Variants in BMS1 observed in about 807,000 individuals in gnomAD.
BMS1 encodes BMS1 ribosome biogenesis factor, also known as ribosome biogenesis protein BMS1 homolog.
Under a neutral mutation model 138.7 loss-of-function variants are expected in BMS1, and 53 were observed. That is an observed-to-expected ratio of 0.38 (90% CI 0.31 to 0.48). BMS1 has a LOEUF of 0.48. Among genes scored for constraint, BMS1 ranks in the 20% least tolerant of loss-of-function variants. BMS1 has a pLI of 0.97. For missense variants in BMS1, 1,360 were observed against 1,565.5 expected, an observed-to-expected ratio of 0.87 and a Z score of 2.22; for synonymous variants, 504 against 539.9, an observed-to-expected ratio of 0.93 and a Z score of 0.92.
In BMS1 at chr10:42,797,030, G is replaced by A. The variant is rs1257741376; in HGVS notation, c.1786G>A (p.Glu596Lys). The change falls in exon 10 of 23, where the codon GAA becomes AAA. Residue 596 changes from glutamate (E) to lysine (K), a missense_variant. Glu to Lys is a moderately conservative substitution (Grantham distance 56). Coordinates refer to ENST00000374518, the MANE Select transcript of BMS1 (RefSeq NM_014753.4). ...GTTTGCATCTGAAGATGAATCTGAA[G>A]AAAGCTCCTCACTCAGTGCAGAGGA... ...EVFASEDESE[E>K]SSSLSAEEED... 1.2e-6 allele frequency: 2 copies of A among 1,614,168 alleles called. No individual in the cohort carries two copies. The highest frequency in any genetic ancestry group is 3.3e-5 in the Admixed American group (2 of 60,022).
At chr10:42,784,595 T>G in intron 2 of BMS1, 25 bp downstream of exon 2, 2 of 1,519,728 alleles carry the variant, frequency 1.3e-6, no homozygotes, top group South Asian at 1.2e-5. Context: ...GGTCTGGTCA[T>G]TCTTCCATTG....
In BMS1 at chr10:42,831,891, A is replaced by G. The variant is rs1842807661; in HGVS notation, c.*795A>G. 1 of 152,210 alleles carries G rather than the reference A, an allele frequency of 6.6e-6. No homozygotes were observed. Among genetic ancestry groups the G allele is most frequent in the Non-Finnish European group, 1.5e-5 (1 of 68,044 alleles). The allele number at this position is 152,210 out of a possible 1,614,324, so 9.4% of individuals were successfully genotyped here. On this transcript the variant is annotated 3_prime_UTR_variant, in exon 23 of 23. Transcript: ENST00000374518. ...TATGTTGAAGTAATCATACTATTAC[A>G]TAGGCGATGTATGTATTTTATGATT... is the stretch of plus-strand genomic sequence containing the variant.
chr10:42,799,338 C>G (rs985064699), intron 12 of BMS1, among the ~76,000 whole-genome samples: 1 of 152,176 alleles, frequency 6.6e-6, no homozygotes, highest in Admixed American at 6.5e-5. Flanking sequence ...ACTCTGGGTT[C>G]GAATGATCTT....
At chr10:42,800,671 C>T (rs192820890) in intron 12 of BMS1, among the ~76,000 whole-genome samples, 2 of 151,676 alleles carry the variant, frequency 1.3e-5, no homozygotes, top group African/African-American at 2.4e-5. Flanking sequence ...GTATTACAGG[C>T]GCCCACCACT....
intron 13 of BMS1, among the ~76,000 whole-genome samples, chr10:42,815,386 A>G (rs1479770654): frequency 6.6e-6 from 1 of 152,094 alleles, no homozygotes; most frequent in African/African-American, 2.4e-5. Flanking sequence ...TAAAAAAATA[A>G]AGTTCTGGTG....
intron 7 of BMS1, 140 bp from the exon 8 acceptor site, chr10:42,792,817 T>C: frequency 7.8e-7 from 1 of 1,277,420 alleles, no homozygotes; most frequent in South Asian, 1.5e-5. Flanking sequence ...AGGGGGCCAC[T>C]GTTCCAGTGT....
chr10:42,791,518 C>T (rs1324200308), intron 5 of BMS1, 109 bp from the exon 6 acceptor site: 1 of 1,142,502 alleles, frequency 8.8e-7, no homozygotes, highest in Admixed American at 2.9e-5. Flanking sequence ...AGTGGCTTTG[C>T]TGGAAGTCTC....
chr10:42,823,310 G>A (rs373228413), intron 20 of BMS1, 45 bp downstream of exon 20: 367 of 1,505,732 alleles, frequency 2.4e-4, no homozygotes, highest in Non-Finnish European at 3.1e-4. Flanking sequence ...TACCATTCAT[G>A]CTTGACTTCT....
intron 7 of BMS1, 149 bp from the exon 8 acceptor site, chr10:42,792,807 AG>A (rs1031705774): frequency 3.2e-6 from 4 of 1,260,754 alleles, no homozygotes; most frequent in African/African-American, 3.0e-5. Context: ...TCTTGTAGCT[AG>A]GGGGCCACTG....
Position 42,834,336 on chromosome 10 carries a change from AG to A in BMS1, c.*3242del, listed in dbSNP as rs1842842404. ...TTCAGAAATAAATGTTTGAGCAAAG[AG>A]GAAAGCCACCGGGTCTGATTCAGCT... On this transcript the variant is annotated 3_prime_UTR_variant, in exon 23 of 23. Transcript: ENST00000374518. 1 of 152,074 alleles carries A rather than the reference AG, an allele frequency of 6.6e-6. No homozygotes were observed. Among genetic ancestry groups the A allele is most frequent in the African/African-American group, 2.4e-5 (1 of 41,392 alleles). The allele number at this position is 152,074 out of a possible 1,614,324, so 9.4% of individuals were successfully genotyped here.
chr10:42,797,458 C>G lies in BMS1; in HGVS notation c.2024C>G (p.Ala675Gly), dbSNP rs766888719. ...TGGAAGGAAGACCTTTCCAGAAAGG[C>G]AGCTGAGGCCTTTCTGAGGCAGCAG... The part of the protein sequence containing the change: ...LKWKEDLSRK[A>G]AEAFLRQQQA... The change falls in exon 11 of 23, where the codon GCA (alanine) becomes GGA (glycine). Residue 675 changes from alanine (A) to glycine (G), a missense_variant. Around this residue, in one of 3 missense-constraint regions of BMS1, gnomAD observed 697 missense variants for 686.2 expected, o/e 1.02. Coordinates refer to ENST00000374518, the MANE Select transcript of BMS1 (RefSeq NM_014753.4). 6.2e-7 allele frequency: 1 copy of G among 1,614,198 alleles called. No individual in the cohort carries two copies. Among genetic ancestry groups the G allele is most frequent in the Non-Finnish European group, 8.5e-7 (1 of 1,180,030 alleles).
At chr10:42,790,804 C>G (rs1310635351) in intron 5 of BMS1, among the ~76,000 whole-genome samples, 1 of 151,904 alleles carries the variant, frequency 6.6e-6, no homozygotes, top group Non-Finnish European at 1.5e-5. Context: ...GAGCTGAGAT[C>G]ACGCCACTGC....
chr10:42,797,358 T>C, intron 10 of BMS1, 64 bp from the exon 11 acceptor site: 6 of 1,592,758 alleles, frequency 3.8e-6, no homozygotes, highest in Non-Finnish European at 5.2e-6. Flanking sequence ...GCATTGTGGA[T>C]GGATCTCAAG....
chr10:42,786,826 G>A (rs1358667455), intron 3 of BMS1, among the ~76,000 whole-genome samples: 1 of 152,114 alleles, frequency 6.6e-6, no homozygotes, highest in African/African-American at 2.4e-5. Flanking sequence ...GCTCTAGTGG[G>A]AATACGGGAA....
At chr10:42,787,366 C>A in intron 4 of BMS1, 119 bp downstream of exon 4, 1 of 815,994 alleles carries the variant, frequency 1.2e-6, no homozygotes, top group Non-Finnish European at 2.1e-6. Context: ...TGGTCATCAT[C>A]AGTGATACGG....
intron 7 of BMS1, 137 bp from the exon 8 acceptor site, chr10:42,792,820 T>A (rs1841552044): frequency 3.9e-6 from 5 of 1,284,696 alleles, no homozygotes; most frequent in Non-Finnish European, 5.3e-6. Context: ...GGGCCACTGT[T>A]CCAGTGTGGC....
intron 21 of BMS1, among the ~76,000 whole-genome samples, chr10:42,826,310 C>G (rs1302274833): frequency 6.7e-6 from 1 of 150,008 alleles, no homozygotes; most frequent in Admixed American, 6.7e-5. Context: ...TAAGGTGATA[C>G]TGGCCTGGTA....
At chr10:42,790,043 T>C (rs896708539) in intron 4 of BMS1, among the ~76,000 whole-genome samples, 13 of 152,270 alleles carry the variant, frequency 8.5e-5, no homozygotes, top group African/African-American at 3.1e-4. Flanking sequence ...GCCTGTGTAG[T>C]CATTTGATTT....
At chr10:42,792,393 C>T (rs1180921496) in intron 6 of BMS1, 100 bp from the exon 7 acceptor site, 18 of 1,469,912 alleles carry the variant, frequency 1.2e-5, no homozygotes, top group South Asian at 5.3e-5. Flanking sequence ...TTCTAAATGA[C>T]GTGCTTAATG....
Sources: gnomAD v4.1 joint callset for allele counts (sites outside exome capture counted in the v4.1 genomes callset) on GRCh38, gnomAD v4.1.1 for gene constraint, gnomAD v4.1.1 regional missense constraint, MANE v1.5 for transcripts, NCBI Gene and HGNC (gene_info 2026-07-23, HGNC 2026-07-21) for gene names.